The following ANKRD17 variants were observed in gnomAD, a reference collection of about 807,000 sequenced individuals.
ANKRD17 encodes ankyrin repeat domain 17, also known as ankyrin repeat domain-containing protein 17.
In ANKRD17, 19 loss-of-function variants were observed where a neutral mutation model predicts 229.7. The observed-to-expected ratio is 0.08, with a 90% confidence interval of 0.06 to 0.12. The LOEUF (loss-of-function observed/expected upper bound fraction) is 0.12. ANKRD17 is among the 10% of genes least tolerant of loss of function. ANKRD17 has a pLI of 1.00. For synonymous variants in ANKRD17, 1,112 were observed against 1,146.1 expected, an observed-to-expected ratio of 0.97 and a Z score of 0.60; for missense variants, 2,176 against 3,176.8, an observed-to-expected ratio of 0.68 and a Z score of 7.57.
At chr4:73,177,322 T>C in intron 2 of ANKRD17, 58 bp downstream of exon 2, 5 of 1,386,544 alleles carry the variant, frequency 3.6e-6, no homozygotes, top group East Asian at 4.9e-5. Context: ...GAGCTTTTAT[T>C]AGATTGATGT....
At chr4:73,195,764 C>T (rs549669720) in intron 1 of ANKRD17, among the ~76,000 whole-genome samples, 1 of 152,274 alleles carries the variant, frequency 6.6e-6, no homozygotes, top group Admixed American at 6.5e-5. Context: ...ACCTTGGCCT[C>T]CCAAAGTGCT....
At chr4:73,113,434 G>A in intron 24 of ANKRD17, 2 of 1,232,762 alleles carry the variant, frequency 1.6e-6, no homozygotes, top group African/African-American at 1.6e-5. Flanking sequence ...TGATAAACCT[G>A]TTGGCAATAA....
At chr4:73,101,715 T>C (rs1038042291) in intron 25 of ANKRD17, among the ~76,000 whole-genome samples, 8 of 149,220 alleles carry the variant, frequency 5.4e-5, no homozygotes, top group Non-Finnish European at 7.4e-5. Context: ...ATGTCTGCAA[T>C]TCTGCAATTT....
chr4:73,158,240 C>T (rs1278340179), intron 3 of ANKRD17, among the ~76,000 whole-genome samples: 1 of 144,658 alleles, frequency 6.9e-6, no homozygotes, highest in Non-Finnish European at 1.5e-5. Flanking sequence ...TACTCAGAAC[C>T]CTCCACTGGC....
At chr4:73,117,930 A>T (rs778377288) in intron 22 of ANKRD17, among the ~76,000 whole-genome samples, 3 of 152,200 alleles carry the variant, frequency 2.0e-5, no homozygotes, top group Admixed American at 2.0e-4. Flanking sequence ...AATGTAATAT[A>T]CTTGAAACTT....
intron 1 of ANKRD17, among the ~76,000 whole-genome samples, chr4:73,227,342 C>T (rs1430139390): frequency 3.3e-5 from 5 of 152,006 alleles, no homozygotes; most frequent in South Asian, 4.2e-4. Context: ...TTAGTAGAGA[C>T]GGGGTTTCAT....
intron 29 of ANKRD17, among the ~76,000 whole-genome samples, chr4:73,086,919 A>AAAAAAAATATATATATAT (rs1553911000): frequency 1.6e-4 from 2 of 12,462 alleles, no homozygotes. Flanking sequence ...AAAAAAAAAA[A>AAAAAAAATATATATATAT]ATATATATAT....
At chr4:73,161,834 A>G (rs1213200455) in intron 2 of ANKRD17, among the ~76,000 whole-genome samples, 3 of 152,156 alleles carry the variant, frequency 2.0e-5, no homozygotes, top group Non-Finnish European at 2.9e-5. Flanking sequence ...AGCTAGCACC[A>G]TCTCTATGAT....
rs200433293 is a variant in ANKRD17, at chr4:73,076,893, T to G, written c.7752+47A>C. The stretch of plus-strand genomic sequence containing the variant: ...ACCTGAATCCTATTTGTCTTTGCAT[T>G]TCTTAAACACAAAACAACTGTTTAT... On this transcript the variant is annotated intron_variant, in intron 33 of 33. Coordinates refer to ENST00000358602, the MANE Select transcript of ANKRD17 (RefSeq NM_032217.5). 329 of 1,555,120 alleles carry G rather than the reference T, an allele frequency of 2.1e-4. 2 individuals carry two copies. In the East Asian group the frequency reaches 7.4e-3, roughly 35 times the overall value.
chr4:73,118,742 A>G lies in ANKRD17; in HGVS notation c.4134T>C (p.Asp1378=), dbSNP rs1578104323. The G allele has an allele frequency of 1.9e-6, 3 of 1,614,076 alleles. No individual in the cohort carries two copies. In the African/African-American group the frequency reaches 4.0e-5, roughly 22 times the overall value. ...TCTTGCGGTTATCTGCTGCATCCAC[A>G]TCTGCACCTGCTTGCACCAGTAACT... ...VVQLLVQAGA[D]VDAADNRKIT... The change falls in exon 22 of 34, where the codon GAT becomes GAC. Residue 1378 remains aspartate (D), a synonymous_variant. Transcript: ENST00000358602.
intron 1 of ANKRD17, among the ~76,000 whole-genome samples, chr4:73,197,813 T>C (rs375796287): frequency 1.3e-5 from 2 of 152,096 alleles, no homozygotes; most frequent in South Asian, 2.1e-4. Context: ...CAAGAGCCTA[T>C]CTCAAAAAAA....
intron 3 of ANKRD17, among the ~76,000 whole-genome samples, chr4:73,157,866 G>A (rs2148896113): frequency 6.6e-6 from 1 of 152,180 alleles, no homozygotes; most frequent in Non-Finnish European, 1.5e-5. Flanking sequence ...GAGGCGGGCG[G>A]ATCATGAGGT....
intron 24 of ANKRD17, among the ~76,000 whole-genome samples, chr4:73,108,735 G>GA (rs1394441936): frequency 6.6e-6 from 1 of 152,114 alleles, no homozygotes; most frequent in African/African-American, 2.4e-5. Flanking sequence ...GATAATGGAA[G>GA]AAAAAATGGA....
chr4:73,196,613 T>G (rs1737923429), intron 1 of ANKRD17, among the ~76,000 whole-genome samples: 1 of 152,234 alleles, frequency 6.6e-6, no homozygotes, highest in South Asian at 2.1e-4. Flanking sequence ...GTTCTAATGT[T>G]ACTTCTGTTT....
rs752640891 is a variant in ANKRD17, at chr4:73,091,356, C to A, written c.6272G>T (p.Arg2091Ile). The A allele has an allele frequency of 6.2e-7, 1 of 1,614,064 alleles. No homozygotes were observed. Among genetic ancestry groups the A allele is most frequent in the Non-Finnish European group, 8.5e-7 (1 of 1,180,036 alleles). ...SPPVVETTNTRPPNSSSSSGS... is the reference protein window; with the variant it reads ...SPPVVETTNTIPPNSSSSSGS... ...AGAAGAACTGCTGCTGTTTGGAGGT[C>A]TAGTGTTTGTTGTTTCTACTACTGG... The change falls in exon 29 of 34, where the codon AGA (arginine) becomes ATA (isoleucine). Residue 2091 changes from arginine (R) to isoleucine (I), a missense_variant. Physicochemically the swap from Arg to Ile is moderately conservative, Grantham distance 97 (BLOSUM62 -3). This residue lies in a region of ANKRD17 where 424 missense variants were observed against 454.0 expected (regional missense o/e 0.93). Transcript: ENST00000358602.
intron 1 of ANKRD17, among the ~76,000 whole-genome samples, chr4:73,231,939 C>T (rs1394120588): frequency 2.0e-5 from 3 of 152,222 alleles, no homozygotes; most frequent in Admixed American, 2.0e-4. Context: ...GAGGGTGGCA[C>T]GCCCAGAGAG....
At position 73,177,796 on chromosome 4, in the gene ANKRD17, A is replaced by G. The variant is rs1055084751; in HGVS notation, c.394-263T>C. Among the ~76,000 whole-genome samples the G allele has an allele frequency of 3.9e-5, 6 of 152,224 alleles. 1 individual carries two copies. The highest frequency in any genetic ancestry group is 3.9e-4 in the East Asian group (2 of 5,184). ...TTTACTAATATTCTTTTCTACTTTAATTTGGTTATTAGGTATATGTAGGGT... is the reference window on the plus strand; with the variant it reads ...TTTACTAATATTCTTTTCTACTTTAGTTTGGTTATTAGGTATATGTAGGGT... On this transcript the variant is annotated intron_variant, in intron 1 of 33. Transcript: ENST00000358602.
chr4:73,238,722 A>G (rs75748353), intron 1 of ANKRD17, among the ~76,000 whole-genome samples: 1,816 of 152,258 alleles, frequency 0.012, 20 homozygotes, highest in Non-Finnish European at 0.02. Context: ...ATGGCTAGTG[A>G]ACTCTACAAT....
At chr4:73,247,605 T>G (rs1374707889) in intron 1 of ANKRD17, among the ~76,000 whole-genome samples, 1 of 151,914 alleles carries the variant, frequency 6.6e-6, no homozygotes, top group African/African-American at 2.4e-5. Context: ...AAACATTTGA[T>G]ATACACCAAC....
Sources: gnomAD v4.1 joint callset for allele counts (sites outside exome capture counted in the v4.1 genomes callset) on GRCh38, gnomAD v4.1.1 for gene constraint, gnomAD v4.1.1 regional missense constraint, MANE v1.5 for transcripts, NCBI Gene and HGNC (gene_info 2026-07-23, HGNC 2026-07-21) for gene names.